Variants in G3BP2 observed in about 807,000 individuals in gnomAD.
G3BP2 encodes the protein ras GTPase-activating protein-binding protein 2.
A neutral mutation model predicts 56.7 loss-of-function variants in G3BP2; 11 were observed. That is an observed-to-expected ratio of 0.19 (90% confidence interval 0.12 to 0.32). The LOEUF (loss-of-function observed/expected upper bound fraction) is 0.32, where lower values mean the gene tolerates loss of function less well. Ranked by LOEUF, G3BP2 falls within the 10% of genes least tolerant of loss-of-function variation. The pLI is 1.00. For synonymous variants in G3BP2, 165 were observed against 191.6 expected, an observed-to-expected ratio of 0.86 and a Z score of 1.15; for missense variants, 340 against 610.9, an observed-to-expected ratio of 0.56 and a Z score of 4.67.
At chr4:75,691,740 A>G (rs1392838195) in intron 3 of G3BP2, among the ~76,000 whole-genome samples, 3 of 152,136 alleles carry the variant, frequency 2.0e-5, no homozygotes, top group East Asian at 1.9e-4. Context: ...CCCGAGTCCT[A>G]CCTCTACAGA....
At chr4:75,673,559 C>T, upstream of G3BP2, 1 of 1,232,098 alleles carries the variant, frequency 8.1e-7, no homozygotes, top group Non-Finnish European at 1.0e-6. Context: ...ACGCGCAGTA[C>T]GCTGCCGCGC....
At chr4:75,720,648 T>C (rs1298166887) in intron 3 of G3BP2, among the ~76,000 whole-genome samples, 2 of 151,056 alleles carry the variant, frequency 1.3e-5, no homozygotes, top group Non-Finnish European at 2.9e-5. Context: ...TACAAAAAAT[T>C]AGCCAGGCAT....
intron 8 of G3BP2, among the ~76,000 whole-genome samples, chr4:75,652,603 C>T (rs554811781): frequency 3.8e-4 from 58 of 152,256 alleles, no homozygotes; most frequent in South Asian, 2.1e-3. Context: ...CACTGCACTC[C>T]AGCCTGGGCG....
rs1028348287 is a variant in G3BP2 at position 75,657,475 on chromosome 4, T to C, written c.351+82A>G. On this transcript the variant is annotated intron_variant, in intron 4 of 11. Coordinates refer to ENST00000359707, the MANE Select transcript of G3BP2 (RefSeq NM_203505.3). The stretch of plus-strand genomic sequence containing the variant: ...CCCCAAAAATAACAATATGCAAATC[T>C]AAACCTATTAGAAGAAACCTCTGGA... 4.9e-6 allele frequency: 5 copies of C among 1,012,314 alleles called. No individual in the cohort carries two copies. In the African/African-American group the frequency reaches 8.1e-5, roughly 16 times the overall value. The allele number at this position is 1,012,314 out of a possible 1,614,324, so 62.7% of individuals were successfully genotyped here.
At chr4:75,671,288 T>C (rs1733466389) in intron 1 of G3BP2, among the ~76,000 whole-genome samples, 1 of 152,158 alleles carries the variant, frequency 6.6e-6, no homozygotes, top group Non-Finnish European at 1.5e-5. Context: ...TCACTCAAAA[T>C]ATGTGGAAAG....
chr4:75,657,128 A>G (rs1019673496), intron 4 of G3BP2, 114 bp from the exon 5 acceptor site: 8 of 583,944 alleles, frequency 1.4e-5, no homozygotes, highest in Admixed American at 3.3e-5. Context: ...TTGACTCAAT[A>G]TAATTTTCCA....
chr4:75,704,548 G>A (rs751118791), intron 3 of G3BP2, among the ~76,000 whole-genome samples: 6 of 151,932 alleles, frequency 3.9e-5, no homozygotes, highest in Non-Finnish European at 7.4e-5. Flanking sequence ...CGAACTCCTA[G>A]GCTCAAGTAA....
At chr4:75,657,825 G>A in intron 3 of G3BP2, 95 bp from the exon 4 acceptor site, 1 of 756,286 alleles carries the variant, frequency 1.3e-6, no homozygotes, top group Non-Finnish European at 2.1e-6. Flanking sequence ...TTACAACTCT[G>A]CAATATTAAC....
intron 1 of G3BP2, among the ~76,000 whole-genome samples, chr4:75,667,104 T>C (rs1206102108): frequency 6.6e-5 from 10 of 151,976 alleles, no homozygotes; most frequent in Admixed American, 6.6e-4. Context: ...CCAGGCAACA[T>C]GGCAAAACCC....
intron 3 of G3BP2, among the ~76,000 whole-genome samples, chr4:75,712,295 T>C (rs949498302): frequency 6.6e-6 from 1 of 152,186 alleles, no homozygotes; most frequent in South Asian, 2.1e-4. Context: ...GCTGGGATCA[T>C]TCAGTAATTT....
chr4:75,650,520 T>C (rs559468618), intron 8 of G3BP2, among the ~76,000 whole-genome samples: 282 of 152,112 alleles, frequency 1.9e-3, no homozygotes, highest in Non-Finnish European at 3.2e-3. Flanking sequence ...ACTCCTATGC[T>C]AACAGTTTAA....
chr4:75,711,813 C>G (rs935378426), intron 3 of G3BP2, among the ~76,000 whole-genome samples: 5 of 152,066 alleles, frequency 3.3e-5, no homozygotes, highest in African/African-American at 1.2e-4. Flanking sequence ...CAGGCTCGGG[C>G]ATCAGCTGCA....
chr4:75,672,139 T>G (rs1267197688), intron 1 of G3BP2, among the ~76,000 whole-genome samples: 1 of 152,178 alleles, frequency 6.6e-6, no homozygotes, highest in Non-Finnish European at 1.5e-5. Context: ...ACTTTACTAT[T>G]CCAGCTAAAA....
chr4:75,648,468 A>C (rs980665962), intron 9 of G3BP2, among the ~76,000 whole-genome samples, 171 bp downstream of exon 9: 3 of 152,138 alleles, frequency 2.0e-5, no homozygotes, highest in African/African-American at 7.2e-5. Flanking sequence ...CTCCCTAAAA[A>C]TTGGTTATTT....
At chr4:75,661,850 A>G (rs1560620697) in intron 2 of G3BP2, 81 bp downstream of exon 2, 1 of 689,270 alleles carries the variant, frequency 1.5e-6, no homozygotes, top group Non-Finnish European at 2.6e-6. Context: ...GATAATGAGG[A>G]GACAGGAAAT....
intron 1 of G3BP2, among the ~76,000 whole-genome samples, chr4:75,723,478 G>A (rs1192193010): frequency 6.6e-6 from 1 of 152,166 alleles, no homozygotes. Context: ...CAGGCACAGA[G>A]GATGGAGAGC....
chr4:75,688,468 T>C (rs970385741), intron 3 of G3BP2, among the ~76,000 whole-genome samples: 1 of 152,264 alleles, frequency 6.6e-6, no homozygotes, highest in African/African-American at 2.4e-5. Context: ...TTTTCAATGC[T>C]TTGAATGCTC....
chr4:75,668,777 A>G (rs1447544764), intron 1 of G3BP2, among the ~76,000 whole-genome samples: 1 of 152,208 alleles, frequency 6.6e-6, no homozygotes, highest in Non-Finnish European at 1.5e-5. Context: ...TGGGCCCAGC[A>G]GAAATCCTGT....
intron 1 of G3BP2, among the ~76,000 whole-genome samples, chr4:75,666,886 T>TATC (rs1275945819): frequency 1.3e-5 from 2 of 152,228 alleles, no homozygotes; most frequent in Admixed American, 6.5e-5. Context: ...TCAACTATCT[T>TATC]ATCCATGGCC....
Sources: gnomAD v4.1 joint callset for allele counts (sites outside exome capture counted in the v4.1 genomes callset) on GRCh38, gnomAD v4.1.1 for gene constraint, MANE v1.5 for transcripts, NCBI Gene and HGNC (gene_info 2026-07-23, HGNC 2026-07-21) for gene names.